DPH6: variants seen among roughly 807,000 people sequenced by gnomAD.
DPH6 encodes diphthine--ammonia ligase.
DPH6 carries 33 observed loss-of-function variants against 38.2 expected under a neutral mutation model. The observed-to-expected ratio is 0.86, with a 90% CI of 0.65 to 1.15. The LOEUF (loss-of-function observed/expected upper bound fraction) is 1.15. Among genes scored for constraint, DPH6 ranks in the 50% most tolerant of loss-of-function variants. DPH6 has a pLI of 0.00. For synonymous variants in DPH6, 108 were observed against 103.0 expected, an observed-to-expected ratio of 1.05 and a Z score of -0.30; for missense variants, 325 against 320.0, an observed-to-expected ratio of 1.02 and a Z score of -0.12.
the DPH6 span, among the ~76,000 whole-genome samples, chr15:35,206,620 AG>A: frequency 1.6e-4 from 24 of 152,346 alleles, no homozygotes; most frequent in African/African-American, 4.6e-4. Flanking sequence ...GTCAGAATTC[AG>A]ATAAGTAAGC....
intron 3 of DPH6, among the ~76,000 whole-genome samples, chr15:35,278,328 C>A (rs1346897810): frequency 6.6e-6 from 1 of 152,230 alleles, no homozygotes; most frequent in Non-Finnish European, 1.5e-5. Flanking sequence ...TCCTTGGCAG[C>A]TTTCATGTGG....
intron 6 of DPH6, among the ~76,000 whole-genome samples, chr15:35,405,176 C>A (rs1048514500): frequency 2.0e-5 from 3 of 151,328 alleles, no homozygotes; most frequent in African/African-American, 7.3e-5. Flanking sequence ...CAGTTTTGTT[C>A]TTTTTGCTAT....
chr15:35,296,784 C>G (rs1443282484), intron 3 of DPH6, among the ~76,000 whole-genome samples: 1 of 151,724 alleles, frequency 6.6e-6, no homozygotes, highest in African/African-American at 2.4e-5. Context: ...CTCATATTCT[C>G]TAACCTGATG....
intron 5 of DPH6, among the ~76,000 whole-genome samples, chr15:35,446,702 G>A (rs2053858480): frequency 6.6e-6 from 1 of 152,128 alleles, no homozygotes; most frequent in South Asian, 2.1e-4. Context: ...GTTTTACGTG[G>A]CTTTTTAACT....
chr15:35,456,768 G>C (rs2054002919), intron 3 of DPH6, among the ~76,000 whole-genome samples: 1 of 152,036 alleles, frequency 6.6e-6, no homozygotes, highest in African/African-American at 2.4e-5. Context: ...TTACAGGCGT[G>C]AGCCACTGTG....
chr15:35,312,927 G>A (rs1306161637), intron 3 of DPH6, among the ~76,000 whole-genome samples: 2 of 152,084 alleles, frequency 1.3e-5, no homozygotes, highest in Non-Finnish European at 1.5e-5. Context: ...CTACAGCTTC[G>A]TAGTAAATTT....
intron 3 of DPH6, among the ~76,000 whole-genome samples, chr15:35,500,749 T>C (rs974881820): frequency 1.3e-5 from 2 of 152,266 alleles, no homozygotes; most frequent in Non-Finnish European, 2.9e-5. Flanking sequence ...TGTTCCCTTT[T>C]TGTGATAATT....
chr15:35,318,130 C>G (rs935437150), intron 3 of DPH6, among the ~76,000 whole-genome samples: 1 of 151,742 alleles, frequency 6.6e-6, no homozygotes, highest in Admixed American at 6.6e-5. Flanking sequence ...AAAGTACAAC[C>G]AGATGTTGCT....
chr15:35,244,463 C>T lies in DPH6; in HGVS notation n.201-23881G>A, dbSNP rs370476149. On this transcript the variant is annotated intron_variant and non_coding_transcript_variant, in intron 3 of 3. Coordinates refer to the DPH6 transcript ENST00000560386. The stretch of plus-strand genomic sequence containing the variant: ...CCATGCAACCACTGATTGATGTGCT[C>T]GCTCTTTCACGAACACATTCATTTT... Among the ~76,000 whole-genome samples, 148 of 152,322 alleles carry T rather than the reference C, an allele frequency of 9.7e-4. No homozygotes were observed. In the Middle Eastern group the frequency reaches 0.01, roughly 11 times the overall value.
At chr15:35,207,215 T>G in the DPH6 span, among the ~76,000 whole-genome samples, 1 of 151,874 alleles carries the variant, frequency 6.6e-6, no homozygotes, top group Non-Finnish European at 1.5e-5. Flanking sequence ...CCCAGCTAAT[T>G]TTTTGGTTTT....
chr15:35,315,480 A>T (rs916084231), intron 3 of DPH6, among the ~76,000 whole-genome samples: 1 of 152,232 alleles, frequency 6.6e-6, no homozygotes, highest in Non-Finnish European at 1.5e-5. Flanking sequence ...GTTACTTTGC[A>T]ACAGTGACAT....
At chr15:35,448,958 C>A (rs1489021241) in intron 5 of DPH6, among the ~76,000 whole-genome samples, 3 of 150,096 alleles carry the variant, frequency 2.0e-5, no homozygotes, top group Non-Finnish European at 4.4e-5. Context: ...TGATCCCTCT[C>A]CCCCACAGAA....
At chr15:35,401,199 C>CTTAGGACATAAAGCCCCA (rs2053214459) in intron 6 of DPH6, 1 of 1,217,618 alleles carries the variant, frequency 8.2e-7, no homozygotes, top group Non-Finnish European at 1.2e-6. Context: ...CCCTGTCAAA[C>CTTAGGACATAAAGCCCCA]CAAGAGATGG....
At chr15:35,394,665 T>A (rs796244926) in intron 6 of DPH6, among the ~76,000 whole-genome samples, 10 of 152,224 alleles carry the variant, frequency 6.6e-5, no homozygotes, top group Admixed American at 6.5e-4. Context: ...TCTAGCTACA[T>A]GATCTTAGGT....
At chr15:35,479,646 C>T (rs1156472261) in intron 3 of DPH6, among the ~76,000 whole-genome samples, 2 of 152,074 alleles carry the variant, frequency 1.3e-5, no homozygotes, top group African/African-American at 4.8e-5. Flanking sequence ...CTTAATCTAG[C>T]TGCCTCTTGC....
chr15:35,471,378 T>C (rs150491379), intron 3 of DPH6, among the ~76,000 whole-genome samples: 1 of 152,216 alleles, frequency 6.6e-6, no homozygotes, highest in African/African-American at 2.4e-5. Flanking sequence ...TGCTCCTAAA[T>C]CAGATCCTCT....
intron 3 of DPH6, among the ~76,000 whole-genome samples, chr15:35,308,137 C>T (rs553571687): frequency 1.3e-5 from 2 of 152,076 alleles, no homozygotes; most frequent in African/African-American, 4.8e-5. Context: ...GATGTGGTGG[C>T]GTGCGCCTGT....
intron 3 of DPH6, among the ~76,000 whole-genome samples, chr15:35,500,682 T>A (rs1181608156): frequency 6.6e-6 from 1 of 152,206 alleles, no homozygotes; most frequent in Non-Finnish European, 1.5e-5. Context: ...TCACGTGATA[T>A]CTTCCATAAT....
the DPH6 span, among the ~76,000 whole-genome samples, chr15:35,162,954 CAGA>C: frequency 4.6e-5 from 7 of 151,924 alleles, no homozygotes; most frequent in South Asian, 1.2e-3. Context: ...ACCATGTAAA[CAGA>C]AGATTTCAAG....
Sources: allele counts gnomAD v4.1 joint callset (sites outside exome capture counted in the v4.1 genomes callset), GRCh38; gene constraint gnomAD v4.1.1; transcripts MANE v1.5; gene names NCBI Gene and HGNC (gene_info 2026-07-23, HGNC 2026-07-21).